Variants in GRID2 observed in about 807,000 individuals in gnomAD.
GRID2 encodes the protein glutamate receptor ionotropic, delta-2.
GRID2 carries 33 observed loss-of-function variants against 114.8 expected under a neutral mutation model. That is an observed-to-expected ratio of 0.29 (90% CI 0.22 to 0.38). The LOEUF is 0.38. Among genes scored for constraint, GRID2 ranks in the 10% least tolerant of loss-of-function variants. The probability of loss-of-function intolerance (pLI) is 1.00; values close to 1 mark genes in which losing one functional copy is unlikely to be tolerated. For synonymous variants in GRID2, 505 were observed against 449.9 expected, an observed-to-expected ratio of 1.12 and a Z score of -1.55; for missense variants, 1,184 against 1,257.7, an observed-to-expected ratio of 0.94 and a Z score of 0.89.
chr4:93,101,377 G>T (rs1318901586), intron 3 of GRID2, among the ~76,000 whole-genome samples: 2 of 151,858 alleles, frequency 1.3e-5, no homozygotes, highest in Non-Finnish European at 2.9e-5. Context: ...TCTTCCAAGG[G>T]TATATTTTTA....
chr4:93,780,175 T>G (rs1309735180), intron 1 of GRID2, among the ~76,000 whole-genome samples: 1 of 151,982 alleles, frequency 6.6e-6, no homozygotes, highest in Non-Finnish European at 1.5e-5. Flanking sequence ...AGAGCAGAAG[T>G]GGGGATCTGC....
At chr4:92,892,053 T>G (rs979622545) in intron 2 of GRID2, among the ~76,000 whole-genome samples, 13 of 144,506 alleles carry the variant, frequency 9.0e-5, no homozygotes, top group Non-Finnish European at 1.5e-4. Context: ...TAATAGCTGG[T>G]TTTTTTTTTT....
chr4:92,778,654 G>A (rs887852208), intron 2 of GRID2, among the ~76,000 whole-genome samples: 4 of 151,962 alleles, frequency 2.6e-5, no homozygotes, highest in African/African-American at 9.7e-5. Context: ...TCACAAATTG[G>A]CAATAATAAT....
intron 2 of GRID2, among the ~76,000 whole-genome samples, chr4:92,912,361 G>T (rs1007582444): frequency 6.6e-6 from 1 of 151,666 alleles, no homozygotes; most frequent in East Asian, 1.9e-4. Flanking sequence ...AGACACTAAG[G>T]TATTACATTA....
At chr4:92,838,622 T>G (rs963175875) in intron 2 of GRID2, among the ~76,000 whole-genome samples, 9 of 152,150 alleles carry the variant, frequency 5.9e-5, no homozygotes, top group Non-Finnish European at 1.3e-4. Context: ...TGTACATTTC[T>G]ATTATCAAAT....
In GRID2 at chr4:93,490,688, T is replaced by A. The variant is rs1726908169; in HGVS notation, c.1908T>A (p.Ala636=). ...TTLATRMMMG[A]WWLFALIVIS... is the part of the protein sequence containing the mutation. ...TGGCTACCCGAATGATGATGGGGGC[T>A]TGGTGGCTATTTGCTTTGATTGTTA... The change falls in exon 12 of 16, where the codon GCT becomes GCA. Residue 636 remains alanine (A), a synonymous_variant. Coordinates refer to ENST00000282020, the MANE Select transcript of GRID2 (RefSeq NM_001510.4). 1 of 1,610,454 alleles carries A rather than the reference T, an allele frequency of 6.2e-7. No homozygotes were observed. Among genetic ancestry groups the A allele is most frequent in the Non-Finnish European group, 8.5e-7 (1 of 1,177,202 alleles).
chr4:93,500,070 T>C (rs1560686241), intron 12 of GRID2, among the ~76,000 whole-genome samples: 1 of 152,008 alleles, frequency 6.6e-6, no homozygotes, highest in Non-Finnish European at 1.5e-5. Flanking sequence ...AAAGAATAAA[T>C]GGCAGCAGTA....
chr4:92,851,345 C>T (rs1193745128), intron 2 of GRID2, among the ~76,000 whole-genome samples: 1 of 151,792 alleles, frequency 6.6e-6, no homozygotes, highest in Non-Finnish European at 1.5e-5. Context: ...ACCAGAAAAA[C>T]ATTTCTATTA....
intron 10 of GRID2, among the ~76,000 whole-genome samples, chr4:93,434,543 G>GAAAACA (rs1243295741): frequency 6.6e-6 from 1 of 151,668 alleles, no homozygotes; most frequent in African/African-American, 2.4e-5. Flanking sequence ...CACAGCAGCA[G>GAAAACA]AAAACAAAAA....
intron 11 of GRID2, among the ~76,000 whole-genome samples, chr4:93,469,076 A>T (rs982511796): frequency 2.6e-5 from 4 of 152,134 alleles, no homozygotes; most frequent in African/African-American, 9.6e-5. Context: ...TTAACAAGTA[A>T]ATCAAGAGAT....
chr4:93,753,735 T>C (rs867165486), intron 14 of GRID2, among the ~76,000 whole-genome samples: 1 of 152,194 alleles, frequency 6.6e-6, no homozygotes, highest in South Asian at 2.1e-4. Context: ...CTTAATCCAG[T>C]CTATCATTGA....
At chr4:93,034,380 G>A (rs1305198641) in intron 2 of GRID2, among the ~76,000 whole-genome samples, 2 of 152,106 alleles carry the variant, frequency 1.3e-5, no homozygotes, top group Non-Finnish European at 2.9e-5. Flanking sequence ...CTAAAACTAG[G>A]CTTTGGAACT....
chr4:92,374,863 G>A (rs1365621843), intron 1 of GRID2, among the ~76,000 whole-genome samples: 1 of 152,252 alleles, frequency 6.6e-6, no homozygotes, highest in Non-Finnish European at 1.5e-5. Flanking sequence ...TAGAAATAAG[G>A]ATGAAACGTG....
intron 2 of GRID2, among the ~76,000 whole-genome samples, chr4:92,671,660 G>T (rs1313722573): frequency 2.6e-5 from 4 of 152,106 alleles, no homozygotes; most frequent in Non-Finnish European, 5.9e-5. Context: ...GGAGTTAATT[G>T]TTGGAAGTGT....
At chr4:93,111,751 C>CTTTTTT (rs9307121) in intron 4 of GRID2, among the ~76,000 whole-genome samples, 21,118 of 130,576 alleles carry the variant, frequency 0.16, 2,218 homozygotes, top group Admixed American at 0.27. Flanking sequence ...TTGTTTAATA[C>CTTTTTT]TTTTTTTTTT....
intron 1 of GRID2, among the ~76,000 whole-genome samples, chr4:92,565,235 A>G (rs911820646): frequency 3.3e-5 from 5 of 152,022 alleles, no homozygotes; most frequent in South Asian, 2.1e-4. Flanking sequence ...TGATCAATCA[A>G]TGAGGAAATT....
chr4:92,690,975 G>C (rs943448579), intron 2 of GRID2, among the ~76,000 whole-genome samples: 1 of 152,048 alleles, frequency 6.6e-6, no homozygotes, highest in Non-Finnish European at 1.5e-5. Context: ...GATGAAAAGA[G>C]AGCAAAATAC....
chr4:93,358,597 T>C (rs190860626), intron 8 of GRID2, among the ~76,000 whole-genome samples: 372 of 151,988 alleles, frequency 2.4e-3, no homozygotes, highest in Non-Finnish European at 3.5e-3. Flanking sequence ...TAGAAACTAA[T>C]AAGAGATTTT....
At chr4:93,022,561 G>T (rs770383807) in intron 2 of GRID2, among the ~76,000 whole-genome samples, 9 of 151,982 alleles carry the variant, frequency 5.9e-5, no homozygotes, top group African/African-American at 2.2e-4. Flanking sequence ...CCTAGTTAAA[G>T]AAACTACATT....
Sources: gnomAD v4.1 joint callset for allele counts (sites outside exome capture counted in the v4.1 genomes callset) on GRCh38, gnomAD v4.1.1 for gene constraint, MANE v1.5 for transcripts, NCBI Gene and HGNC (gene_info 2026-07-23, HGNC 2026-07-21) for gene names.